The following USP6NL variants were observed in gnomAD, a reference collection of about 807,000 sequenced individuals.
USP6NL encodes USP6 N-terminal-like protein.
A neutral mutation model predicts 61.9 loss-of-function variants in USP6NL; 26 were observed. The observed-to-expected ratio is 0.42, with a 90% confidence interval of 0.31 to 0.58. USP6NL has a LOEUF of 0.58. Ranked by LOEUF, USP6NL falls within the 20% of genes least tolerant of loss-of-function variation. The probability of loss-of-function intolerance (pLI) is 0.16; values close to 1 mark genes in which losing one functional copy is unlikely to be tolerated. For synonymous variants in USP6NL, 432 were observed against 390.1 expected (o/e 1.11, Z -1.27); for missense variants, 1,114 against 1,034.3 (o/e 1.08, Z -1.06).
At position 11,496,462 on chromosome 10, in the gene USP6NL, G is replaced by C. The variant is rs556506993; in HGVS notation, c.385-3234C>G. Among the ~76,000 whole-genome samples the C allele has an allele frequency of 1.3e-5, 2 of 152,290 alleles. No homozygotes were observed. Among genetic ancestry groups the C allele is most frequent in the South Asian group, 4.1e-4 (2 of 4,826 alleles). ...ATTTTCCAAAACTGGTAGCTGTTAA[G>C]CATCTCCCATTTTCTTATTTCTGTG... On this transcript the variant is annotated intron_variant, in intron 7 of 14. Transcript: ENST00000609104. This position sits in a 1 kb window ranked among gnomAD's most constrained non-coding sequence, Gnocchi z 5.4.
In USP6NL at chr10:11,611,154, G is replaced by T. The variant is rs1215850511; in HGVS notation, c.-84+289C>A. Among the ~76,000 whole-genome samples the T allele has an allele frequency of 1.3e-5, 2 of 152,002 alleles. No individual in the cohort carries two copies. Among genetic ancestry groups the T allele is most frequent in the African/African-American group, 4.8e-5 (2 of 41,414 alleles). On this transcript the variant is annotated intron_variant, in intron 1 of 14. Coordinates refer to ENST00000609104, the MANE Select transcript of USP6NL (RefSeq NM_014688.5). The surrounding 1 kb of genome is among the most constrained non-coding windows in gnomAD (Gnocchi z 5.3). ...TCGCGGCTCACTCGGGGAGGCAGTC[G>T]CCGGGTTCCACCCCCGGGCCTCCCC...
At chr10:11,515,920 A>G (rs1370253075) in intron 5 of USP6NL, among the ~76,000 whole-genome samples, 1 of 152,224 alleles carries the variant, frequency 6.6e-6, no homozygotes, top group Non-Finnish European at 1.5e-5. Context: ...CATTAAATTA[A>G]GATTTTTTTG....
chr10:11,538,379 T>G (rs2133443967), intron 2 of USP6NL, among the ~76,000 whole-genome samples: 1 of 152,336 alleles, frequency 6.6e-6, no homozygotes, highest in East Asian at 1.9e-4. Context: ...CTGTTACCTG[T>G]AATTCTTTAC....
At chr10:11,610,647 G>T (rs1463102142) in intron 1 of USP6NL, among the ~76,000 whole-genome samples, 1 of 145,086 alleles carries the variant, frequency 6.9e-6, no homozygotes, top group African/African-American at 2.6e-5. Context: ...CATTCGTCTC[G>T]CACTATTTCC....
At chr10:11,507,613 G>A (rs1040374242) in intron 6 of USP6NL, among the ~76,000 whole-genome samples, 1 of 152,104 alleles carries the variant, frequency 6.6e-6, no homozygotes, top group African/African-American at 2.4e-5. Flanking sequence ...TGTGATTTAA[G>A]ATCCCTCTTA....
At position 11,474,368 on chromosome 10, in the gene USP6NL, G is replaced by GTTGAATT. The variant is rs1832880621; in HGVS notation, c.1078+7395_1078+7401dup. On this transcript the variant is annotated intron_variant, in intron 14 of 14. Coordinates refer to ENST00000609104, the MANE Select transcript of USP6NL (RefSeq NM_014688.5). This position sits in a 1 kb window ranked among gnomAD's most constrained non-coding sequence, Gnocchi z 4.9. ...ACTTAAGGTTCAGGATATTCTTAAGGTTGAATTAATTAGATTTGTAAGTTT... is the reference window on the plus strand; with the variant it reads ...ACTTAAGGTTCAGGATATTCTTAAGGTTGAATTTTGAATTAATTAGATTTGTAAGTTT... Among the ~76,000 whole-genome samples the GTTGAATT allele has an allele frequency of 6.6e-6, 1 of 152,116 alleles. No homozygotes were observed. The highest frequency in any genetic ancestry group is 2.1e-4 in the South Asian group (1 of 4,828).
rs947376138 is a variant in USP6NL at position 11,592,269 on chromosome 10, G to C, written c.4+5362C>G. On this transcript the variant is annotated intron_variant, in intron 2 of 14. Transcript: ENST00000609104. This position sits in a 1 kb window ranked among gnomAD's most constrained non-coding sequence, Gnocchi z 4.7. ...TTTAAATAGTGTTAATAACAACGAA[G>C]TACACTAAACTAAGAAAGTAATCAC... 6.6e-5 allele frequency among the ~76,000 whole-genome samples: 10 copies of C among 152,136 alleles called. No individual in the cohort carries two copies. The highest frequency in any genetic ancestry group is 1.3e-4 in the Non-Finnish European group (9 of 68,036).
chr10:11,599,390 C>T (rs1316423052), intron 1 of USP6NL, among the ~76,000 whole-genome samples: 5 of 152,094 alleles, frequency 3.3e-5, no homozygotes, highest in East Asian at 1.9e-4. Flanking sequence ...GCACCTTGTG[C>T]GATGTAGCAC....
chr10:11,562,970 T>C lies in USP6NL; in HGVS notation c.4+34661A>G, dbSNP rs146495707. The stretch of plus-strand genomic sequence containing the variant: ...GTCGACACAAAAATCTGAATGTTCA[T>C]AGTAGCTTTATTTGTAATAGTAAAA... On this transcript the variant is annotated intron_variant, in intron 2 of 14. Transcript: ENST00000609104. The surrounding 1 kb of genome is among the most constrained non-coding windows in gnomAD (Gnocchi z 4.8). Among the ~76,000 whole-genome samples the C allele has an allele frequency of 1.3e-4, 20 of 152,060 alleles. No individual in the cohort carries two copies. Among genetic ancestry groups the C allele is most frequent in the Non-Finnish European group, 2.6e-4 (18 of 67,966 alleles).
chr10:11,592,764 C>A lies in USP6NL; in HGVS notation c.4+4867G>T, dbSNP rs1435095397. Among the ~76,000 whole-genome samples the A allele has an allele frequency of 6.6e-6, 1 of 152,210 alleles. No individual in the cohort carries two copies. The highest frequency in any genetic ancestry group is 1.5e-5 in the Non-Finnish European group (1 of 68,034). On this transcript the variant is annotated intron_variant, in intron 2 of 14. Coordinates refer to ENST00000609104, the MANE Select transcript of USP6NL (RefSeq NM_014688.5). The surrounding 1 kb of genome is among the most constrained non-coding windows in gnomAD (Gnocchi z 4.7). ...AGTACTTATGGGAAGTCTTCTGTTA[C>A]TTGGAGCACAACTTTTTTACTTAGT...
At chr10:11,538,241 CTTT>C (rs967618706) in intron 2 of USP6NL, among the ~76,000 whole-genome samples, 1 of 151,180 alleles carries the variant, frequency 6.6e-6, no homozygotes, top group African/African-American at 2.4e-5. Flanking sequence ...ACAGAGAAGC[CTTT>C]TTTTTTCTCA....
rs201036211 is a variant in USP6NL at position 11,506,646 on chromosome 10, C to CA, written c.276+2948dup. Among the ~76,000 whole-genome samples the CA allele has an allele frequency of 3.3e-3, 487 of 145,430 alleles. 3 individuals are homozygous for CA. Among genetic ancestry groups the CA allele is most frequent in the African/African-American group, 9.5e-3 (373 of 39,348 alleles). ...CCTGGGCAACAGAGACCGTGTCTCT[C>CA]AAAAAAAAACAAAAAAATTTACAAT... is the stretch of plus-strand genomic sequence containing the variant. On this transcript the variant is annotated intron_variant, in intron 6 of 14. Transcript: ENST00000609104.
rs1267345002 is a variant in USP6NL, at chr10:11,589,436, T to G, written c.4+8195A>C. On this transcript the variant is annotated intron_variant, in intron 2 of 14. Transcript: ENST00000609104. This position sits in a 1 kb window ranked among gnomAD's most constrained non-coding sequence, Gnocchi z 4.7. ...TTCACACATGACCTACATCTACATA[T>G]CATAGAAAGACAATAATATAAAATT... Among the ~76,000 whole-genome samples the G allele has an allele frequency of 6.6e-6, 1 of 152,074 alleles. No homozygotes were observed. The highest frequency in any genetic ancestry group is 1.5e-5 in the Non-Finnish European group (1 of 68,000).
At chr10:11,467,003 T>C (rs1832493637) in intron 14 of USP6NL, among the ~76,000 whole-genome samples, 1 of 152,204 alleles carries the variant, frequency 6.6e-6, no homozygotes, top group South Asian at 2.1e-4. Context: ...GTGCTTTACA[T>C]TGATTCCTAT....
Position 11,462,147 on chromosome 10 carries a change from G to A in USP6NL, c.*294C>T, listed in dbSNP as rs990939171. On this transcript the variant is annotated 3_prime_UTR_variant, in exon 15 of 15. Transcript: ENST00000609104. ...ACAGAGTAAAAATGTTCAGGTTTTG[G>A]AGAAAAACATAACCGGAACTGAGTA... is the stretch of plus-strand genomic sequence containing the variant. The A allele has an allele frequency of 1.5e-5, 5 of 335,196 alleles. No individual in the cohort carries two copies. Among genetic ancestry groups the A allele is most frequent in the Non-Finnish European group, 2.7e-5 (5 of 184,154 alleles). 20.8% of individuals were successfully genotyped at this position (335,196 alleles called of 1,614,324 possible).
At chr10:11,552,130 TAA>T (rs758098206) in intron 2 of USP6NL, among the ~76,000 whole-genome samples, 1 of 152,184 alleles carries the variant, frequency 6.6e-6, no homozygotes. Flanking sequence ...CCATCTTTAG[TAA>T]AAGATTTGAA....
rs1484380080 is a variant in USP6NL, at chr10:11,591,007, A to C, written c.4+6624T>G. 6.6e-6 allele frequency among the ~76,000 whole-genome samples: 1 copy of C among 152,198 alleles called. No individual in the cohort carries two copies. Among genetic ancestry groups the C allele is most frequent in the Non-Finnish European group, 1.5e-5 (1 of 68,036 alleles). ...AAATTTTCTCACTGACTTAACAGTA[A>C]ATTTTAAGAGTTAGAAGGCGTCCAG... On this transcript the variant is annotated intron_variant, in intron 2 of 14. Coordinates refer to ENST00000609104, the MANE Select transcript of USP6NL (RefSeq NM_014688.5). This position sits in a 1 kb window ranked among gnomAD's most constrained non-coding sequence, Gnocchi z 4.7.
At chr10:11,555,433 A>AAAAAAAAAAAATATATAT (rs1275798295) in intron 2 of USP6NL, among the ~76,000 whole-genome samples, 10 of 49,014 alleles carry the variant, frequency 2.0e-4, no homozygotes, top group African/African-American at 3.8e-4. Context: ...AAAAAAAAAA[A>AAAAAAAAAAAATATATAT]ATATATATAT....
Position 11,495,192 on chromosome 10 carries a change from T to TCTG in USP6NL, c.385-1965_385-1964insCAG, listed in dbSNP as rs1833868331. 6.6e-6 allele frequency among the ~76,000 whole-genome samples: 1 copy of TCTG among 152,244 alleles called. No homozygotes were observed. Among genetic ancestry groups the TCTG allele is most frequent in the East Asian group, 1.9e-4 (1 of 5,196 alleles). ...CTTGTCTTCTGGTCACTTCTCACTG[T>TCTG]GTCCCCTCAGCTCCTATCTCTGTAT... is the stretch of plus-strand genomic sequence containing the variant. On this transcript the variant is annotated intron_variant, in intron 7 of 14. Transcript: ENST00000609104. This position sits in a 1 kb window ranked among gnomAD's most constrained non-coding sequence, Gnocchi z 4.6.
Sources: allele counts gnomAD v4.1 joint callset (sites outside exome capture counted in the v4.1 genomes callset), GRCh38; gene constraint gnomAD v4.1.1; non-coding constraint Gnocchi (gnomAD v3.1); transcripts MANE v1.5; gene names NCBI Gene and HGNC (gene_info 2026-07-23, HGNC 2026-07-21).